Variants in SCN10A observed in about 807,000 individuals in gnomAD.
SCN10A encodes the protein sodium voltage-gated channel alpha subunit 10.
A neutral mutation model predicts 170.7 loss-of-function variants in SCN10A; 162 were observed. The observed-to-expected ratio is 0.95, with a 90% CI of 0.84 to 1.08. The LOEUF is 1.08. Ranked by LOEUF, SCN10A falls within the 50% of genes least tolerant of loss-of-function variation. The pLI is 0.00. For missense variants in SCN10A, 2,527 were observed against 2,436.9 expected, an observed-to-expected ratio of 1.04 and a Z score of -0.78; for synonymous variants, 985 against 904.6, an observed-to-expected ratio of 1.09 and a Z score of -1.59.
intron 2 of SCN10A, among the ~76,000 whole-genome samples, chr3:38,792,395 T>C (rs1398722357): frequency 6.6e-6 from 1 of 152,122 alleles, no homozygotes; most frequent in African/African-American, 2.4e-5. Context: ...GGACTGACAG[T>C]GCACCAAGAT....
At chr3:38,754,751 A>G (rs917650972) in intron 11 of SCN10A, among the ~76,000 whole-genome samples, 1 of 152,218 alleles carries the variant, frequency 6.6e-6, no homozygotes, top group Non-Finnish European at 1.5e-5. Flanking sequence ...GTGTTTGTAT[A>G]TGCACACATA....
chr3:38,793,701 C>T, intron 2 of SCN10A, 40 bp downstream of exon 2: 1 of 1,591,702 alleles, frequency 6.3e-7, no homozygotes, highest in Non-Finnish European at 8.6e-7. Context: ...GACTTCCTCT[C>T]CAAGAGCTGA....
At chr3:38,788,563 C>T (rs2064237326) in intron 4 of SCN10A, among the ~76,000 whole-genome samples, 1 of 146,194 alleles carries the variant, frequency 6.8e-6, no homozygotes, top group East Asian at 2.0e-4. Context: ...AAAAGCATAC[C>T]TTCTCTAAGG....
intron 25 of SCN10A, 97 bp from the exon 26 acceptor site, chr3:38,707,480 C>A (rs1575931174): frequency 8.0e-7 from 1 of 1,244,638 alleles, no homozygotes; most frequent in East Asian, 2.3e-5. Flanking sequence ...TCAACCTTCT[C>A]CCCTCCTCTG....
chr3:38,790,754 T>C (rs1269937321), intron 3 of SCN10A, among the ~76,000 whole-genome samples: 1 of 152,130 alleles, frequency 6.6e-6, no homozygotes, highest in African/African-American at 2.4e-5. Flanking sequence ...TTAATGCCTC[T>C]GTGTGTCAGT....
intron 1 of SCN10A, among the ~76,000 whole-genome samples, chr3:38,804,094 C>T (rs1365353351): frequency 6.6e-6 from 1 of 152,118 alleles, no homozygotes; most frequent in Middle Eastern, 3.2e-3. Context: ...TTGAAATATA[C>T]CCTGTAGTGT....
At chr3:38,717,879 G>A (rs924552465) in intron 21 of SCN10A, among the ~76,000 whole-genome samples, 1 of 152,258 alleles carries the variant, frequency 6.6e-6, no homozygotes, top group African/African-American at 2.4e-5. Flanking sequence ...CCTAGACAGT[G>A]ATAGTGCAAT....
In SCN10A at chr3:38,763,586, T is replaced by C; in HGVS notation, c.610A>G (p.Thr204Ala). Residue 204 changes from threonine (T) to alanine (A), a missense_variant, in exon 6 of 28, where the codon ACA becomes GCA. By Grantham distance (58) the Thr-to-Ala change is moderately conservative (BLOSUM62 0). Transcript: ENST00000449082. ...FSVITLAYVGTAIDLRGISGL... is the reference protein window; with the variant it reads ...FSVITLAYVGAAIDLRGISGL... ...GAGATCCCACGGAGATCTATTGCTG[T>C]GCCAACATATCTGTAGGACCAGAAG... The C allele has an allele frequency of 1.2e-6, 2 of 1,613,712 alleles. No individual in the cohort carries two copies. Among genetic ancestry groups the C allele is most frequent in the Non-Finnish European group, 1.7e-6 (2 of 1,179,660 alleles).
rs2063108927 is a variant in SCN10A at position 38,697,833 on chromosome 3, T to C, written c.5387A>G (p.Asp1796Gly). Residue 1796 changes from aspartate (D) to glycine (G), a missense_variant, in exon 28 of 28, where the codon GAT becomes GGT. Physicochemically the swap from Asp to Gly is moderately conservative, Grantham distance 94 (BLOSUM62 -1). Transcript: ENST00000449082. ...AAGGATGTCCAAGCAGTGGATCTTATCTCCAGGGACCAAAGGCAGGTCCAT... is the reference window on the plus strand; with the variant it reads ...AAGGATGTCCAAGCAGTGGATCTTACCTCCAGGGACCAAAGGCAGGTCCAT... ...IQMDLPLVPG[D>G]KIHCLDILFA... 1.9e-6 allele frequency: 3 copies of C among 1,614,074 alleles called. No individual in the cohort carries two copies. The highest frequency in any genetic ancestry group is 2.5e-6 in the Non-Finnish European group (3 of 1,180,050).
At chr3:38,793,603 TA>T in intron 2 of SCN10A, 137 bp downstream of exon 2, 1 of 700,260 alleles carries the variant, frequency 1.4e-6, no homozygotes, top group Admixed American at 2.4e-5. Flanking sequence ...GATATATATA[TA>T]TATTTTTTTT....
intron 13 of SCN10A, among the ~76,000 whole-genome samples, chr3:38,746,063 G>GTATATATATATATATATA (rs1553619550): frequency 1.6e-5 from 1 of 61,626 alleles, no homozygotes; most frequent in Non-Finnish European, 3.5e-5. Context: ...GTGTGTATGT[G>GTATATATATATATATATA]TATATATATA....
intron 1 of SCN10A, among the ~76,000 whole-genome samples, chr3:38,799,914 A>G (rs1363414170): frequency 6.6e-6 from 1 of 152,090 alleles, no homozygotes; most frequent in Non-Finnish European, 1.5e-5. Flanking sequence ...ATCTTGTCCT[A>G]AGATATGTTC....
chr3:38,707,197 T>C, intron 26 of SCN10A, 82 bp downstream of exon 26: 1 of 1,435,300 alleles, frequency 7.0e-7, no homozygotes, highest in Non-Finnish European at 9.6e-7. Flanking sequence ...CAGCACTCCC[T>C]CAGGCCCCTG....
chr3:38,807,393 T>C (rs1219340243), intron 1 of SCN10A, among the ~76,000 whole-genome samples: 1 of 151,010 alleles, frequency 6.6e-6, no homozygotes, highest in Non-Finnish European at 1.5e-5. Context: ...AGCACTGTAA[T>C]ATGTCTCTCC....
intron 1 of SCN10A, among the ~76,000 whole-genome samples, chr3:38,805,935 G>A (rs563629467): frequency 7.2e-5 from 11 of 152,270 alleles, no homozygotes; most frequent in Non-Finnish European, 1.6e-4. Flanking sequence ...TTACAGGGCG[G>A]ACGAAAGTGC....
rs762083371 is a variant in SCN10A at position 38,760,723 on chromosome 3, C to A, written c.908G>T (p.Gly303Val). ...RKPDIYINKR[G>V]TSDPLLCGNG... Reference sequence around the variant, plus strand: ...GCCACACAGTAAGGGGTCAGAAGTGCCTCGCTTATTTATGTAGATATCTGC... The same window carrying A: ...GCCACACAGTAAGGGGTCAGAAGTGACTCGCTTATTTATGTAGATATCTGC... The change falls in exon 8 of 28, where the codon GGC becomes GTC. Residue 303 changes from glycine to valine, a missense_variant. Gly to Val is a moderately radical substitution (Grantham distance 109). Transcript: ENST00000449082. 1 of 1,613,982 alleles carries A rather than the reference C, an allele frequency of 6.2e-7. No individual in the cohort carries two copies.
chr3:38,810,129 G>A (rs2064430958), intron 1 of SCN10A, among the ~76,000 whole-genome samples: 1 of 152,156 alleles, frequency 6.6e-6, no homozygotes, highest in African/African-American at 2.4e-5. Flanking sequence ...GCAACTGTAT[G>A]GTTGTTAATC....
intron 1 of SCN10A, among the ~76,000 whole-genome samples, chr3:38,806,201 A>G (rs919833708): frequency 6.6e-6 from 1 of 152,188 alleles, no homozygotes. Context: ...TTTGGAGAAG[A>G]AAGTGCCTAA....
chr3:38,764,383 C>T (rs550825845), intron 5 of SCN10A, among the ~76,000 whole-genome samples: 57 of 152,154 alleles, frequency 3.7e-4, no homozygotes, highest in African/African-American at 1.3e-3. Flanking sequence ...ACCTTTCCTC[C>T]CAAGTCCCCA....
Sources: gnomAD v4.1 joint callset for allele counts (sites outside exome capture counted in the v4.1 genomes callset) on GRCh38, gnomAD v4.1.1 for gene constraint, MANE v1.5 for transcripts, NCBI Gene and HGNC (gene_info 2026-07-23, HGNC 2026-07-21) for gene names.